TMEM132B: variants seen among roughly 807,000 people sequenced by gnomAD.
TMEM132B encodes transmembrane protein 132B.
TMEM132B carries 18 observed loss-of-function variants against 90.8 expected under a neutral mutation model. The ratio of observed to expected loss-of-function variants is 0.20; its 90% CI spans 0.14 to 0.29. TMEM132B has a LOEUF of 0.29. TMEM132B is among the 10% of genes least tolerant of loss of function. The pLI, the probability that TMEM132B is intolerant of heterozygous loss-of-function variation, is 1.00. For missense variants in TMEM132B, 1,096 were observed against 1,326.8 expected, an observed-to-expected ratio of 0.83 and a Z score of 2.70; for synonymous variants, 504 against 523.3, an observed-to-expected ratio of 0.96 and a Z score of 0.50.
intron 3 of TMEM132B, among the ~76,000 whole-genome samples, chr12:125,462,236 A>G (rs560765176): frequency 2.3e-4 from 35 of 152,376 alleles, no homozygotes; most frequent in South Asian, 1.7e-3. Flanking sequence ...CTGATTGACC[A>G]TTTAGCCTTT....
intron 4 of TMEM132B, among the ~76,000 whole-genome samples, chr12:125,563,394 G>A (rs567241251): frequency 1.3e-5 from 2 of 152,036 alleles, no homozygotes; most frequent in Admixed American, 1.3e-4. Context: ...GGATCACGAG[G>A]TCAAGAGATC....
chr12:125,355,454 A>C (rs1877734809), intron 2 of TMEM132B, among the ~76,000 whole-genome samples: 1 of 152,164 alleles, frequency 6.6e-6, no homozygotes, highest in African/African-American at 2.4e-5. Context: ...AAGCAGAGGC[A>C]GAAAAGAGAA....
intron 1 of TMEM132B, among the ~76,000 whole-genome samples, chr12:125,308,460 A>G (rs1342556145): frequency 6.6e-6 from 1 of 152,182 alleles, no homozygotes; most frequent in Non-Finnish European, 1.5e-5. Flanking sequence ...ATATCCTGTT[A>G]TCTGACTGAG....
chr12:125,515,290 A>T (rs1339192533), intron 3 of TMEM132B, among the ~76,000 whole-genome samples: 1 of 151,554 alleles, frequency 6.6e-6, no homozygotes, highest in Non-Finnish European at 1.5e-5. Flanking sequence ...AAATTCTCTC[A>T]CACACTCATA....
intron 3 of TMEM132B, among the ~76,000 whole-genome samples, chr12:125,485,728 T>C (rs1241755316): frequency 6.6e-6 from 1 of 152,174 alleles, no homozygotes; most frequent in African/African-American, 2.4e-5. Flanking sequence ...AGCTTTGGAA[T>C]CTGAATATTA....
intron 3 of TMEM132B, among the ~76,000 whole-genome samples, chr12:125,510,651 A>C (rs769902300): frequency 6.6e-6 from 1 of 152,140 alleles, no homozygotes. Flanking sequence ...AACTCTTGCT[A>C]TTTGGCTTTA....
intron 8 of TMEM132B, among the ~76,000 whole-genome samples, chr12:125,653,163 T>G: frequency 6.6e-6 from 1 of 152,234 alleles, no homozygotes; most frequent in East Asian, 1.9e-4. Context: ...GTGCATGTTT[T>G]GCTCCATCAC....
At chr12:125,554,509 A>G (rs1884322594) in intron 4 of TMEM132B, among the ~76,000 whole-genome samples, 1 of 150,904 alleles carries the variant, frequency 6.6e-6, no homozygotes, top group South Asian at 2.1e-4. Context: ...TGTGGCTTAT[A>G]ATATGGAGCG....
At chr12:125,379,645 T>A (rs1000560620) in intron 2 of TMEM132B, among the ~76,000 whole-genome samples, 1 of 152,220 alleles carries the variant, frequency 6.6e-6, no homozygotes, top group Non-Finnish European at 1.5e-5. Flanking sequence ...TTTGTTACAG[T>A]AGCATTGGAA....
At chr12:125,344,943 T>G (rs915999565) in intron 1 of TMEM132B, among the ~76,000 whole-genome samples, 1 of 152,178 alleles carries the variant, frequency 6.6e-6, no homozygotes, top group Non-Finnish European at 1.5e-5. Flanking sequence ...AGATGACATT[T>G]ACTGCACCAA....
At chr12:125,423,397 T>C (rs1880224179) in intron 3 of TMEM132B, among the ~76,000 whole-genome samples, 2 of 152,138 alleles carry the variant, frequency 1.3e-5, no homozygotes, top group Admixed American at 6.6e-5. Context: ...AGAGCCACAC[T>C]TAACAGAGAG....
intron 1 of TMEM132B, among the ~76,000 whole-genome samples, chr12:125,195,910 C>T (rs1027587178): frequency 6.6e-5 from 10 of 151,978 alleles, no homozygotes; most frequent in African/African-American, 2.4e-4. Context: ...TTGGGCTGAA[C>T]GAGTGAGAGA....
intron 5 of TMEM132B, among the ~76,000 whole-genome samples, chr12:125,625,463 T>C (rs2136980609): frequency 6.6e-6 from 1 of 152,308 alleles, no homozygotes; most frequent in Non-Finnish European, 1.5e-5. Context: ...AAAAATGCAT[T>C]GAAAGTTCAT....
At chr12:125,418,764 G>T (rs982863261) in intron 3 of TMEM132B, among the ~76,000 whole-genome samples, 3 of 152,176 alleles carry the variant, frequency 2.0e-5, no homozygotes, top group Non-Finnish European at 2.9e-5. Flanking sequence ...TGCTCAGTTA[G>T]AAAGGCAGTA....
Position 125,391,039 on chromosome 12 carries a change from TAGTGTGTGTGTGTGTG to T in TMEM132B, c.960-24491_960-24476del, listed in dbSNP as rs1182850595. Among the ~76,000 whole-genome samples, 15 of 143,638 alleles carry T rather than the reference TAGTGTGTGTGTGTGTG, an allele frequency of 1.0e-4. No individual in the cohort carries two copies. In the East Asian group the frequency reaches 2.2e-3, roughly 21 times the overall value. 94.2% of individuals were successfully genotyped at this position (143,638 alleles called of 152,430 possible). ...GGATTAAAACAGATTTACTAAAGAA[TAGTGTGTGTGTGTGTG>T]TGTGTGTGTGTGTGTGTGTCTCACT... On this transcript the variant is annotated intron_variant, in intron 2 of 8. Transcript: ENST00000682704.
At position 125,207,427 on chromosome 12, in the gene TMEM132B, C is replaced by A. The variant is rs544385034; in HGVS notation, c.67+20561C>A. ...ACTAATTTCTGTTGCCTGTTGGAAG[C>A]CTCCAGACCGGTGCTATTGGATACA... On this transcript the variant is annotated intron_variant, in intron 1 of 8. Transcript: ENST00000682704. 2.0e-5 allele frequency among the ~76,000 whole-genome samples: 3 copies of A among 152,312 alleles called. No individual in the cohort carries two copies. The East Asian group carries it at 5.8e-4, about 29-fold the overall frequency.
At chr12:125,297,565 C>T (rs778378814) in intron 1 of TMEM132B, among the ~76,000 whole-genome samples, 1 of 152,218 alleles carries the variant, frequency 6.6e-6, no homozygotes, top group Non-Finnish European at 1.5e-5. Flanking sequence ...ATGTGTCAGG[C>T]ATTACGCTCA....
Position 125,234,644 on chromosome 12 carries a change from AG to A in TMEM132B, c.67+47783del, listed in dbSNP as rs372624869. ...CAAGCAGTACAGGTGATTCTGATGA[AG>A]GGGGTTCAGGAGCCACAATCCGAGA... On this transcript the variant is annotated intron_variant, in intron 1 of 8. Transcript: ENST00000682704. Among the ~76,000 whole-genome samples, 386 of 152,220 alleles carry A rather than the reference AG, an allele frequency of 2.5e-3. 1 individual carries two copies. The highest frequency in any genetic ancestry group is 8.7e-3 in the African/African-American group (362 of 41,534).
At chr12:125,591,144 AC>A (rs1402697479) in intron 5 of TMEM132B, among the ~76,000 whole-genome samples, 1 of 152,032 alleles carries the variant, frequency 6.6e-6, no homozygotes, top group East Asian at 1.9e-4. Flanking sequence ...TTGATAGTGG[AC>A]TTTTTTTGAA....
Sources: gnomAD v4.1 joint callset for allele counts (sites outside exome capture counted in the v4.1 genomes callset) on GRCh38, gnomAD v4.1.1 for gene constraint, MANE v1.5 for transcripts, NCBI Gene and HGNC (gene_info 2026-07-23, HGNC 2026-07-21) for gene names.